Variants in MYO16 observed in about 807,000 individuals in gnomAD.
MYO16 encodes myosin XVI, also known as unconventional myosin-XVI.
MYO16 carries 94 observed loss-of-function variants against 205.3 expected under a neutral mutation model. The ratio of observed to expected loss-of-function variants is 0.46; its 90% confidence interval spans 0.39 to 0.54. The LOEUF is 0.54. Among genes scored for constraint, MYO16 ranks in the 20% least tolerant of loss-of-function variants. The probability of loss-of-function intolerance (pLI) is 0.00; values close to 1 mark genes in which losing one functional copy is unlikely to be tolerated. For missense variants in MYO16, 2,315 were observed against 2,387.5 expected (o/e 0.97, Z 0.63); for synonymous variants, 988 against 954.0 (o/e 1.04, Z -0.66).
At chr13:108,924,131 A>G (rs751738697) in intron 16 of MYO16, among the ~76,000 whole-genome samples, 6 of 152,206 alleles carry the variant, frequency 3.9e-5, no homozygotes, top group Non-Finnish European at 5.9e-5. Context: ...ATGTTTATAT[A>G]CATTAAAAAT....
chr13:108,934,011 C>A (rs1387790202), intron 16 of MYO16, among the ~76,000 whole-genome samples: 1 of 151,970 alleles, frequency 6.6e-6, no homozygotes, highest in Admixed American at 6.6e-5. Context: ...TTGATGGGCA[C>A]CTAGGTTGAT....
At chr13:108,591,858 A>G (rs1878407996), upstream of MYO16, among the ~76,000 whole-genome samples, 7 of 152,096 alleles carry the variant, frequency 4.6e-5, no homozygotes, top group Admixed American at 4.6e-4. Context: ...GGCTGAGTGT[A>G]GAGAAGAAAA....
At chr13:108,734,791 G>T (rs1185511205) in intron 4 of MYO16, among the ~76,000 whole-genome samples, 1 of 152,214 alleles carries the variant, frequency 6.6e-6, no homozygotes, top group Non-Finnish European at 1.5e-5. Context: ...TTTCTGGAAG[G>T]TATCATGTCC....
At chr13:108,764,479 T>C (rs1594275832) in intron 4 of MYO16, among the ~76,000 whole-genome samples, 1 of 152,024 alleles carries the variant, frequency 6.6e-6, no homozygotes, top group Non-Finnish European at 1.5e-5. Context: ...AATAATTAAA[T>C]GAATTATTAA....
At chr13:109,191,180 C>G (rs1457696517) in intron 34 of MYO16, among the ~76,000 whole-genome samples, 2 of 151,878 alleles carry the variant, frequency 1.3e-5, no homozygotes, top group Non-Finnish European at 2.9e-5. Flanking sequence ...GATCGCGCCA[C>G]TGCACTCCAG....
chr13:108,548,377 C>T, the MYO16 span, among the ~76,000 whole-genome samples: 2,616 of 145,086 alleles, frequency 0.018, 88 homozygotes, highest in African/African-American at 0.064. Flanking sequence ...TGGTAGCAGT[C>T]GGTGGTGGCA....
intron 2 of MYO16, among the ~76,000 whole-genome samples, chr13:108,682,416 G>A (rs1168001300): frequency 2.0e-5 from 3 of 151,522 alleles, no homozygotes. Flanking sequence ...GGGCTGCATG[G>A]AATTCCCAGG....
intron 23 of MYO16, among the ~76,000 whole-genome samples, chr13:109,022,276 T>C (rs1341857473): frequency 7.7e-6 from 1 of 129,292 alleles, no homozygotes; most frequent in African/African-American, 3.1e-5. Context: ...TATACATATT[T>C]ATATATACAA....
At chr13:108,556,882 T>C in the MYO16 span, among the ~76,000 whole-genome samples, 5 of 152,206 alleles carry the variant, frequency 3.3e-5, no homozygotes, top group Admixed American at 2.6e-4. Flanking sequence ...CACCACCTAC[T>C]GACAGGACTC....
chr13:108,598,697 G>A (rs1878650007), intron 1 of MYO16, among the ~76,000 whole-genome samples: 1 of 152,168 alleles, frequency 6.6e-6, no homozygotes, highest in South Asian at 2.1e-4. Context: ...GGATGAGTAT[G>A]ATCTCCTCTC....
At chr13:108,617,057 C>T (rs1879374459) in intron 1 of MYO16, among the ~76,000 whole-genome samples, 1 of 152,170 alleles carries the variant, frequency 6.6e-6, no homozygotes, top group Non-Finnish European at 1.5e-5. Context: ...AGACTCCAGC[C>T]ATCCCTGAAC....
intron 15 of MYO16, 85 bp downstream of exon 15, chr13:108,898,218 G>A (rs1880525070): frequency 2.1e-6 from 2 of 966,986 alleles, no homozygotes; most frequent in Non-Finnish European, 3.3e-6. Context: ...TGGACACACT[G>A]TGTATGAATC....
At chr13:109,114,937 A>G (rs1875599541) in intron 28 of MYO16, among the ~76,000 whole-genome samples, 1 of 152,170 alleles carries the variant, frequency 6.6e-6, no homozygotes, top group African/African-American at 2.4e-5. Flanking sequence ...AGGCGTCACT[A>G]TTTTTCTAAA....
intron 21 of MYO16, among the ~76,000 whole-genome samples, chr13:108,995,289 G>T (rs1259586244): frequency 6.6e-6 from 1 of 152,054 alleles, no homozygotes; most frequent in Non-Finnish European, 1.5e-5. Flanking sequence ...CCTTTATTAA[G>T]GGCACTAATC....
chr13:109,066,463 G>A (rs1887751241), intron 27 of MYO16, among the ~76,000 whole-genome samples: 1 of 152,140 alleles, frequency 6.6e-6, no homozygotes, highest in Non-Finnish European at 1.5e-5. Context: ...AGAGGAAAGA[G>A]GACCTGTAAC....
the MYO16 span, among the ~76,000 whole-genome samples, chr13:108,575,076 G>A: frequency 6.6e-6 from 1 of 152,150 alleles, no homozygotes; most frequent in East Asian, 1.9e-4. Flanking sequence ...CCAGTGTGTA[G>A]AGCTAACCCT....
intron 16 of MYO16, among the ~76,000 whole-genome samples, chr13:108,933,554 A>G (rs1297973533): frequency 1.3e-5 from 2 of 151,892 alleles, no homozygotes; most frequent in African/African-American, 4.8e-5. Context: ...CATCCCTGCA[A>G]TAACCCCAGG....
intron 13 of MYO16, among the ~76,000 whole-genome samples, chr13:108,887,627 T>A (rs1879965433): frequency 6.6e-6 from 1 of 152,132 alleles, no homozygotes; most frequent in Non-Finnish European, 1.5e-5. Flanking sequence ...GATGCCCTTA[T>A]AAATAAAAGT....
chr13:108,749,622 T>C (rs1475275163), intron 4 of MYO16, among the ~76,000 whole-genome samples: 1 of 152,122 alleles, frequency 6.6e-6, no homozygotes, highest in Non-Finnish European at 1.5e-5. Flanking sequence ...AAACCAAACC[T>C]AGTGAGACAT....
Sources: allele counts gnomAD v4.1 joint callset (sites outside exome capture counted in the v4.1 genomes callset), GRCh38; gene constraint gnomAD v4.1.1; transcripts MANE v1.5; gene names NCBI Gene and HGNC (gene_info 2026-07-23, HGNC 2026-07-21).